The following MARCHF10 variants were observed in gnomAD, a reference collection of about 807,000 sequenced individuals.
MARCHF10 encodes the protein probable E3 ubiquitin-protein ligase MARCHF10.
MARCHF10 carries 64 observed loss-of-function variants against 76.2 expected under a neutral mutation model. The observed-to-expected ratio is 0.84, with a 90% CI of 0.69 to 1.03. The LOEUF is 1.03. MARCHF10 is among the 50% of genes least tolerant of loss of function. MARCHF10 has a pLI of 0.00. For missense variants in MARCHF10, 875 were observed against 958.0 expected, an observed-to-expected ratio of 0.91 and a Z score of 1.14; for synonymous variants, 340 against 357.5, an observed-to-expected ratio of 0.95 and a Z score of 0.55.
intron 10 of MARCHF10, among the ~76,000 whole-genome samples, chr17:62,703,763 G>A (rs961762083): frequency 2.0e-5 from 3 of 152,230 alleles, no homozygotes; most frequent in Non-Finnish European, 4.4e-5. Context: ...AGGGAAGGGC[G>A]GCAGGTTCCC....
intron 8 of MARCHF10, among the ~76,000 whole-genome samples, chr17:62,718,243 G>T (rs2090318819): frequency 6.6e-6 from 1 of 152,210 alleles, no homozygotes; most frequent in Non-Finnish European, 1.5e-5. Flanking sequence ...GGCCACTCTG[G>T]GGAAGAGAGT....
At chr17:62,734,338 G>C (rs2091168142) in intron 6 of MARCHF10, among the ~76,000 whole-genome samples, 1 of 152,118 alleles carries the variant, frequency 6.6e-6, no homozygotes, top group Non-Finnish European at 1.5e-5. Context: ...AGAAGATAGG[G>C]TGGGTGAGGG....
intron 2 of MARCHF10, among the ~76,000 whole-genome samples, chr17:62,794,170 C>A (rs2092946119): frequency 6.6e-6 from 1 of 151,448 alleles, no homozygotes; most frequent in African/African-American, 2.4e-5. Flanking sequence ...CCATCACCAC[C>A]ACCACCACAA....
In MARCHF10 at chr17:62,736,365, T is replaced by G; in HGVS notation, c.1503A>C (p.Ser501=). The change falls in exon 6 of 11, where the codon TCA becomes TCC. Residue 501 remains serine (S), a synonymous_variant. Coordinates refer to ENST00000311269, the MANE Select transcript of MARCHF10 (RefSeq NM_152598.4). ...MSSTSVHSSD[S]EGNSGFHVCQ... Reference sequence around the variant, plus strand: ...AAACATGAAACCCTGAGTTTCCCTCTGAGTCTGAGCTGTGAACTGAAGTCG... The same window carrying G: ...AAACATGAAACCCTGAGTTTCCCTCGGAGTCTGAGCTGTGAACTGAAGTCG... The G allele has an allele frequency of 6.2e-7, 1 of 1,614,228 alleles. No individual in the cohort carries two copies. Among genetic ancestry groups the G allele is most frequent in the African/African-American group, 1.3e-5 (1 of 75,040 alleles).
intron 2 of MARCHF10, among the ~76,000 whole-genome samples, chr17:62,790,055 A>G (rs558792066): frequency 1.3e-5 from 2 of 152,380 alleles, no homozygotes; most frequent in South Asian, 4.1e-4. Context: ...ATGTTTCTTA[A>G]CAAAATTAAA....
intron 3 of MARCHF10, among the ~76,000 whole-genome samples, chr17:62,772,049 C>T (rs139333420): frequency 3.9e-5 from 6 of 152,220 alleles, no homozygotes; most frequent in African/African-American, 1.4e-4. Flanking sequence ...GACTTGGTGA[C>T]GAATTCAGTG....
rs2089936805 is a variant in MARCHF10, at chr17:62,711,649, G to A, written c.2215-305C>T. ...ACATATGCAAAGCCTTGAGCTGGATGTTGTGGGGAACACAGGGCAAAAAGC... is the reference window on the plus strand; with the variant it reads ...ACATATGCAAAGCCTTGAGCTGGATATTGTGGGGAACACAGGGCAAAAAGC... On this transcript the variant is annotated intron_variant, in intron 8 of 10. Coordinates refer to ENST00000311269, the MANE Select transcript of MARCHF10 (RefSeq NM_152598.4). The surrounding 1 kb of genome is among the most constrained non-coding windows in gnomAD (Gnocchi z 4.4). 6.6e-6 allele frequency among the ~76,000 whole-genome samples: 1 copy of A among 152,230 alleles called. No homozygotes were observed. The highest frequency in any genetic ancestry group is 1.5e-5 in the Non-Finnish European group (1 of 68,034).
Position 62,744,357 on chromosome 17 carries a change from G to C in MARCHF10, c.535+19C>G. On this transcript the variant is annotated intron_variant, in intron 5 of 10. Coordinates refer to ENST00000311269, the MANE Select transcript of MARCHF10 (RefSeq NM_152598.4). The stretch of plus-strand genomic sequence containing the variant: ...TCCTCCTCTCCAAGGACAAAGGTTC[G>C]GGAGCCCCGGGTCCTTACCTGCTCC... 2 of 1,604,616 alleles carry C rather than the reference G, an allele frequency of 1.2e-6. No individual in the cohort carries two copies. The highest frequency in any genetic ancestry group is 1.7e-6 in the Non-Finnish European group (2 of 1,177,176).
Position 62,722,521 on chromosome 17 carries a change from C to T in MARCHF10, c.2181G>A (p.Met727Ile), listed in dbSNP as rs769689770. Residue 727 changes from methionine (M) to isoleucine (I), a missense_variant, in exon 8 of 11, where the codon ATG becomes ATA. Transcript: ENST00000311269. ...GCTGGTGCTTCTGGTAGAACTCAAT[C>T]ATGTTAAAGTCACCCAGGTCAACCA... ...GLLVDLGDFNMIEFYQKHQQS... is the reference protein window; with the variant it reads ...GLLVDLGDFNIIEFYQKHQQS... 9.3e-6 allele frequency: 15 copies of T among 1,613,718 alleles called. No homozygotes were observed. In the African/African-American group the frequency reaches 1.6e-4, roughly 17 times the overall value.
At position 62,712,138 on chromosome 17, in the gene MARCHF10, A is replaced by G. The variant is rs563292067; in HGVS notation, c.2215-794T>C. 6.6e-6 allele frequency among the ~76,000 whole-genome samples: 1 copy of G among 152,262 alleles called. No individual in the cohort carries two copies. Among genetic ancestry groups the G allele is most frequent in the African/African-American group, 2.4e-5 (1 of 41,550 alleles). On this transcript the variant is annotated intron_variant, in intron 8 of 10. Transcript: ENST00000311269. The surrounding 1 kb of genome is among the most constrained non-coding windows in gnomAD (Gnocchi z 4.2). ...AGTGGTATTAGTAACAACTACTCCT[A>G]TCCCTCTATAGGGGAAGGAGGGGAA...
intron 2 of MARCHF10, among the ~76,000 whole-genome samples, chr17:62,795,215 G>A (rs566607191): frequency 3.3e-4 from 50 of 152,074 alleles, no homozygotes; most frequent in Non-Finnish European, 5.4e-4. Context: ...AGATGAATAA[G>A]TGACATGAAA....
At chr17:62,776,798 A>G (rs2092562146) in intron 3 of MARCHF10, among the ~76,000 whole-genome samples, 2 of 152,008 alleles carry the variant, frequency 1.3e-5, no homozygotes, top group African/African-American at 4.8e-5. Flanking sequence ...TCCTCCATCT[A>G]CTCAGAGCTA....
intron 3 of MARCHF10, among the ~76,000 whole-genome samples, chr17:62,788,192 T>C (rs1019109042): frequency 1.3e-5 from 2 of 152,116 alleles, no homozygotes; most frequent in African/African-American, 4.8e-5. Flanking sequence ...CTGGATGGTG[T>C]CCCATAGACC....
intron 3 of MARCHF10, among the ~76,000 whole-genome samples, chr17:62,773,134 C>T (rs969417081): frequency 3.3e-5 from 5 of 152,014 alleles, no homozygotes; most frequent in East Asian, 1.9e-4. Context: ...AGCCCATCCT[C>T]GAGGAATCCC....
In MARCHF10 at chr17:62,713,763, C is replaced by T. The variant is rs141518031; in HGVS notation, c.2215-2419G>A. Reference sequence around the variant, plus strand: ...CACCCCTTCCTTGTCCCAATCACATCACACTTTGACTCCCACGTGGAGTTC... The same window carrying T: ...CACCCCTTCCTTGTCCCAATCACATTACACTTTGACTCCCACGTGGAGTTC... On this transcript the variant is annotated intron_variant, in intron 8 of 10. Coordinates refer to ENST00000311269, the MANE Select transcript of MARCHF10 (RefSeq NM_152598.4). Among the ~76,000 whole-genome samples, 6 of 152,262 alleles carry T rather than the reference C, an allele frequency of 3.9e-5. No homozygotes were observed. The East Asian group carries it at 1.2e-3, about 29-fold the overall frequency.
At chr17:62,784,892 A>C (rs576542790) in intron 3 of MARCHF10, among the ~76,000 whole-genome samples, 39 of 152,354 alleles carry the variant, frequency 2.6e-4, no homozygotes, top group Admixed American at 2.3e-3. Context: ...AACAAATGGA[A>C]GAACATTCCA....
In MARCHF10 at chr17:62,708,789, G is replaced by A. The variant is rs868864853; in HGVS notation, c.2328+2442C>T. ...CATAGTGCCAGGGACATGGTCAGCA[G>A]TCAGATGTGACTCACTGTGGGCCCA... On this transcript the variant is annotated intron_variant, in intron 9 of 10. Coordinates refer to ENST00000311269, the MANE Select transcript of MARCHF10 (RefSeq NM_152598.4). 1.1e-4 allele frequency among the ~76,000 whole-genome samples: 16 copies of A among 152,300 alleles called. No individual in the cohort carries two copies. In the South Asian group the frequency reaches 3.1e-3, roughly 30 times the overall value.
Position 62,747,783 on chromosome 17 carries a change from C to T in MARCHF10, c.383-3255G>A, listed in dbSNP as rs547733595. Among the ~76,000 whole-genome samples, 124 of 152,232 alleles carry T rather than the reference C, an allele frequency of 8.1e-4. 1 individual carries two copies. Among genetic ancestry groups the T allele is most frequent in the African/African-American group, 2.3e-3 (97 of 41,552 alleles). On this transcript the variant is annotated intron_variant, in intron 4 of 10. Transcript: ENST00000311269. ...CAATAGCCTTCATTCCGGTGTAGTT[C>T]TTGTTGATTCTCTCCCTCAATCCTT... is the stretch of plus-strand genomic sequence containing the variant.
At chr17:62,789,307 G>A (rs1335985798) in intron 2 of MARCHF10, among the ~76,000 whole-genome samples, 4 of 151,932 alleles carry the variant, frequency 2.6e-5, no homozygotes, top group East Asian at 1.9e-4. Flanking sequence ...CCCTAGTTGC[G>A]GGATGAGAAT....
Sources: allele counts gnomAD v4.1 joint callset (sites outside exome capture counted in the v4.1 genomes callset), GRCh38; gene constraint gnomAD v4.1.1; non-coding constraint Gnocchi (gnomAD v3.1); transcripts MANE v1.5; gene names NCBI Gene and HGNC (gene_info 2026-07-23, HGNC 2026-07-21).